The following CCT3 variants were observed in gnomAD, a reference collection of about 807,000 sequenced individuals.
CCT3 encodes the protein T-complex protein 1 subunit gamma.
In CCT3, 10 loss-of-function variants were observed where a neutral mutation model predicts 65.3. The observed-to-expected ratio is 0.15, with a 90% CI of 0.09 to 0.26. CCT3 has a LOEUF of 0.26. Ranked by LOEUF, CCT3 falls within the 10% of genes least tolerant of loss-of-function variation. The pLI, the probability that CCT3 is intolerant of heterozygous loss-of-function variation, is 1.00. For synonymous variants in CCT3, 225 were observed against 242.3 expected (o/e 0.93, Z 0.66); for missense variants, 626 against 708.7 (o/e 0.88, Z 1.33).
chr1:156,326,060 C>T (rs770721374), intron 5 of CCT3, among the ~76,000 whole-genome samples: 25 of 152,080 alleles, frequency 1.6e-4, no homozygotes, highest in Non-Finnish European at 3.5e-4. Context: ...GGGCTGGATG[C>T]GGTAGCTCAC....
intron 6 of CCT3, among the ~76,000 whole-genome samples, chr1:156,323,205 C>G (rs983681270): frequency 1.3e-5 from 2 of 151,720 alleles, no homozygotes; most frequent in South Asian, 4.2e-4. Flanking sequence ...ACTCGAGAGT[C>G]TGAGGCAGGA....
chr1:156,321,074 G>T, intron 6 of CCT3, 49 bp from the exon 7 acceptor site: 1 of 1,451,130 alleles, frequency 6.9e-7, no homozygotes. Flanking sequence ...TGTTAGATAT[G>T]TAGAGATGTG....
chr1:156,327,800 G>A (rs1037397399), intron 5 of CCT3, among the ~76,000 whole-genome samples: 1 of 150,348 alleles, frequency 6.7e-6, no homozygotes, highest in African/African-American at 2.4e-5. Flanking sequence ...TCTGGAAAGT[G>A]AGGAGCTTCT....
intron 9 of CCT3, 71 bp downstream of exon 9, chr1:156,317,344 T>C (rs1024586423): frequency 3.0e-5 from 48 of 1,593,648 alleles, no homozygotes; most frequent in Admixed American, 8.4e-5. Flanking sequence ...CTGCCAAACA[T>C]GAGGGGAGAA....
At chr1:156,312,529 C>T (rs773046361) in intron 10 of CCT3, among the ~76,000 whole-genome samples, 6 of 152,036 alleles carry the variant, frequency 3.9e-5, no homozygotes, top group Non-Finnish European at 7.4e-5. Flanking sequence ...CACAGTGATG[C>T]ATACCTGTAG....
intron 10 of CCT3, among the ~76,000 whole-genome samples, chr1:156,314,981 G>A (rs1303812526): frequency 6.6e-6 from 1 of 152,096 alleles, no homozygotes; most frequent in African/African-American, 2.4e-5. Flanking sequence ...TATTTTTAGA[G>A]AAACAAAAAA....
chr1:156,313,167 T>A (rs1664153470), intron 10 of CCT3, among the ~76,000 whole-genome samples: 3 of 151,792 alleles, frequency 2.0e-5, no homozygotes, highest in Non-Finnish European at 4.4e-5. Context: ...AAACCCCGCC[T>A]CTACTAAAAA....
chr1:156,337,087 G>T, intron 1 of CCT3: 1 of 1,285,832 alleles, frequency 7.8e-7, no homozygotes, highest in South Asian at 1.2e-5. Flanking sequence ...ACCAAAGGAA[G>T]ACAATGGAGG....
rs74373369 is a variant in CCT3 at position 156,311,812 on chromosome 1, T to C, written c.1155+229A>G. ...CACAATAACATGAATATACTTAACA[T>C]TACTGAACTGTACAATTAAAATGAT... On this transcript the variant is annotated intron_variant, in intron 11 of 13. Transcript: ENST00000295688. Among the ~76,000 whole-genome samples the C allele has an allele frequency of 6.1e-3, 936 of 152,278 alleles. 6 individuals are homozygous for C. Among genetic ancestry groups the C allele is most frequent in the Middle Eastern group, 0.034 (10 of 294 alleles).
At chr1:156,320,746 A>C (rs1218087913) in intron 7 of CCT3, 93 bp downstream of exon 7, 1 of 987,696 alleles carries the variant, frequency 1.0e-6, no homozygotes, top group Non-Finnish European at 1.5e-6. Flanking sequence ...AACAAAACAA[A>C]ACAACGGCAT....
At chr1:156,335,134 G>C (rs1472331173) in intron 2 of CCT3, 1 of 528,808 alleles carries the variant, frequency 1.9e-6, no homozygotes, top group Non-Finnish European at 3.3e-6. Flanking sequence ...GCCTCCCAAA[G>C]TGTTGGGATT....
chr1:156,324,412 G>A (rs1664710464), intron 6 of CCT3, among the ~76,000 whole-genome samples: 1 of 151,992 alleles, frequency 6.6e-6, no homozygotes, highest in Non-Finnish European at 1.5e-5. Context: ...TGCTCTACAT[G>A]ACTCTACGTG....
At chr1:156,320,631 A>G (rs1664508938) in intron 7 of CCT3, among the ~76,000 whole-genome samples, 1 of 151,998 alleles carries the variant, frequency 6.6e-6, no homozygotes, top group Non-Finnish European at 1.5e-5. Flanking sequence ...CTGTAGTCCT[A>G]GCAAATCAGA....
intron 1 of CCT3, chr1:156,337,469 T>G (rs1014317271): frequency 5.8e-6 from 1 of 172,034 alleles, no homozygotes; most frequent in Non-Finnish European, 1.3e-5. Flanking sequence ...AGTCGAGAAA[T>G]CTGGGAAAAC....
intron 5 of CCT3, among the ~76,000 whole-genome samples, chr1:156,328,558 C>A (rs1291794930): frequency 6.6e-6 from 1 of 151,820 alleles, no homozygotes; most frequent in African/African-American, 2.4e-5. Flanking sequence ...TGACCTTACC[C>A]CCAACCCTGT....
At chr1:156,312,019 C>T in intron 11 of CCT3, 22 bp downstream of exon 11, 1 of 1,588,668 alleles carries the variant, frequency 6.3e-7, no homozygotes, top group Non-Finnish European at 8.6e-7. Flanking sequence ...TTCATCTGGT[C>T]ATACATCCAA....
At chr1:156,333,254 C>G in intron 5 of CCT3, 3 of 309,854 alleles carry the variant, frequency 9.7e-6, no homozygotes, top group South Asian at 8.4e-5. Flanking sequence ...GATCGCACCA[C>G]CACACTCCAG....
chr1:156,325,115 A>G (rs1439341941), intron 5 of CCT3, 26 bp from the exon 6 acceptor site: 6 of 1,493,344 alleles, frequency 4.0e-6, no homozygotes, highest in East Asian at 2.3e-5. Flanking sequence ...GCACCATAGT[A>G]ATATTTAAAG....
intron 4 of CCT3, 118 bp from the exon 5 acceptor site, chr1:156,333,761 T>A: frequency 1.5e-6 from 1 of 681,906 alleles, no homozygotes; most frequent in Non-Finnish European, 2.5e-6. Flanking sequence ...TTTAATGTTT[T>A]ACCATATCTT....
Sources: allele counts gnomAD v4.1 joint callset (sites outside exome capture counted in the v4.1 genomes callset), GRCh38; gene constraint gnomAD v4.1.1; transcripts MANE v1.5; gene names NCBI Gene and HGNC (gene_info 2026-07-23, HGNC 2026-07-21).